The following DENND1A variants were observed in gnomAD, a reference collection of about 807,000 sequenced individuals.
The protein encoded by DENND1A is DENN domain-containing protein 1A.
A neutral mutation model predicts 113.7 loss-of-function variants in DENND1A; 51 were observed. That is an observed-to-expected ratio of 0.45 (90% CI 0.36 to 0.57). DENND1A has a LOEUF of 0.57. DENND1A is among the 20% of genes least tolerant of loss of function. The pLI, the probability that DENND1A is intolerant of heterozygous loss-of-function variation, is 0.00. For synonymous variants in DENND1A, 565 were observed against 570.8 expected, an observed-to-expected ratio of 0.99 and a Z score of 0.14; for missense variants, 1,258 against 1,395.9, an observed-to-expected ratio of 0.90 and a Z score of 1.57.
intron 2 of DENND1A, among the ~76,000 whole-genome samples, chr9:123,864,712 C>A (rs1845579995): frequency 6.6e-6 from 1 of 152,024 alleles, no homozygotes; most frequent in Non-Finnish European, 1.5e-5. Context: ...CTAGACCTAC[C>A]CATGAATTTC....
chr9:123,671,126 G>C (rs1222439769), intron 7 of DENND1A, among the ~76,000 whole-genome samples, 165 bp downstream of exon 7: 1 of 152,182 alleles, frequency 6.6e-6, no homozygotes, highest in South Asian at 2.1e-4. Flanking sequence ...GAGAAAGGAA[G>C]AAATTCTACT....
intron 2 of DENND1A, among the ~76,000 whole-genome samples, chr9:123,845,640 A>G (rs1842480068): frequency 1.4e-5 from 2 of 143,580 alleles, no homozygotes; most frequent in Admixed American, 1.4e-4. Flanking sequence ...ACTGTATTCC[A>G]GCCTGGGTGA....
At chr9:123,785,414 C>T (rs970507097) in intron 3 of DENND1A, among the ~76,000 whole-genome samples, 2 of 152,054 alleles carry the variant, frequency 1.3e-5, no homozygotes, top group African/African-American at 2.4e-5. Context: ...TTAAAAAGCA[C>T]CTTGACATTT....
At chr9:123,564,381 C>T (rs909333962) in intron 12 of DENND1A, among the ~76,000 whole-genome samples, 7 of 152,258 alleles carry the variant, frequency 4.6e-5, no homozygotes, top group Admixed American at 2.0e-4. Flanking sequence ...CTCTTCTCCA[C>T]TGCTCTGGAG....
At chr9:123,716,415 G>A (rs1419827023) in intron 5 of DENND1A, among the ~76,000 whole-genome samples, 1 of 152,254 alleles carries the variant, frequency 6.6e-6, no homozygotes, top group Non-Finnish European at 1.5e-5. Context: ...GCTTTAAAAG[G>A]ACGAAGGAGG....
chr9:123,796,707 T>C (rs919454584), intron 2 of DENND1A, among the ~76,000 whole-genome samples: 1 of 151,712 alleles, frequency 6.6e-6, no homozygotes, highest in Admixed American at 6.6e-5. Flanking sequence ...AAAAGTGCTG[T>C]GGTTACGTAT....
intron 11 of DENND1A, among the ~76,000 whole-genome samples, chr9:123,607,219 G>A (rs943927489): frequency 6.6e-6 from 1 of 152,004 alleles, no homozygotes; most frequent in Non-Finnish European, 1.5e-5. Flanking sequence ...TGGAACATAA[G>A]AGACCCTCAT....
chr9:123,428,507 T>C (rs1564470189), intron 19 of DENND1A, among the ~76,000 whole-genome samples: 1 of 152,152 alleles, frequency 6.6e-6, no homozygotes, highest in East Asian at 1.9e-4. Context: ...AGGGATGCCC[T>C]CTCTCACCAC....
In DENND1A at chr9:123,495,141, T is replaced by TCTCTCTCTCTCTCTCTCTC. The variant is rs2051763656; in HGVS notation, c.994-37245_994-37244insGAGAGAGAGAGAGAGAGAG. On this transcript the variant is annotated intron_variant, in intron 13 of 23. Coordinates refer to ENST00000394215, the MANE Select transcript of DENND1A (RefSeq NM_001352964.2). The stretch of plus-strand genomic sequence containing the variant: ...TCTATTATGACCCATCATTGTCTCT[T>TCTCTCTCTCTCTCTCTCTC]TCTCTCTCTCTCTCTCTCTCTCTCT... 3.8e-4 allele frequency among the ~76,000 whole-genome samples: 54 copies of TCTCTCTCTCTCTCTCTCTC among 140,642 alleles called. 2 individuals carry two copies. The highest frequency in any genetic ancestry group is 1.5e-3 in the African/African-American group (52 of 35,496). 92.3% of individuals were successfully genotyped at this position (140,642 alleles called of 152,430 possible). A position where few individuals can be genotyped will look rare whatever the true frequency, so the allele number is the denominator to read the frequency against.
At chr9:123,765,753 G>C (rs1438381354) in intron 4 of DENND1A, among the ~76,000 whole-genome samples, 1 of 152,116 alleles carries the variant, frequency 6.6e-6, no homozygotes, top group East Asian at 1.9e-4. Flanking sequence ...CTTTTTTTAA[G>C]AGACTATTTT....
chr9:123,523,311 T>G (rs567628822), intron 13 of DENND1A, among the ~76,000 whole-genome samples: 1 of 152,238 alleles, frequency 6.6e-6, no homozygotes, highest in South Asian at 2.1e-4. Context: ...CGCTCCACAT[T>G]CCTCATCTTG....
intron 20 of DENND1A, among the ~76,000 whole-genome samples, chr9:123,407,490 C>G (rs931949146): frequency 2.0e-5 from 3 of 152,188 alleles, no homozygotes; most frequent in African/African-American, 7.2e-5. Context: ...AGACCACAAC[C>G]AGGCACAGAC....
At chr9:123,639,774 T>C (rs1421843897) in intron 9 of DENND1A, among the ~76,000 whole-genome samples, 4 of 92,896 alleles carry the variant, frequency 4.3e-5, no homozygotes, top group African/African-American at 1.9e-4. Flanking sequence ...CGAAACTCCA[T>C]CTCAAAAAAA....
intron 10 of DENND1A, among the ~76,000 whole-genome samples, chr9:123,625,253 T>C (rs2061151429): frequency 6.6e-6 from 1 of 152,216 alleles, no homozygotes; most frequent in Admixed American, 6.5e-5. Flanking sequence ...GGGTTAATAG[T>C]ATCTGCCTTG....
intron 20 of DENND1A, among the ~76,000 whole-genome samples, chr9:123,408,409 C>T (rs1040870467): frequency 6.6e-6 from 1 of 152,150 alleles, no homozygotes; most frequent in African/African-American, 2.4e-5. Context: ...AGTGTAAGTT[C>T]GGGGGACATG....
chr9:123,653,596 G>A (rs2062776251), intron 8 of DENND1A, among the ~76,000 whole-genome samples: 1 of 152,176 alleles, frequency 6.6e-6, no homozygotes, highest in Admixed American at 6.5e-5. Flanking sequence ...GAGAAGTTGT[G>A]TAATTTGACA....
At chr9:123,430,864 C>G (rs182143791) in intron 19 of DENND1A, among the ~76,000 whole-genome samples, 300 of 152,198 alleles carry the variant, frequency 2.0e-3, no homozygotes, top group African/African-American at 6.9e-3. Context: ...TAGCCAGGTG[C>G]GGTGGTGTGC....
At position 123,403,574 on chromosome 9, in the gene DENND1A, G is replaced by C. The variant is rs1465924711; in HGVS notation, c.1543-84C>G. The C allele has an allele frequency of 4.7e-6, 6 of 1,282,510 alleles. No individual in the cohort carries two copies. The South Asian group carries it at 5.1e-5, about 11-fold the overall frequency. The allele number at this position is 1,282,510 out of a possible 1,614,324, so 79.4% of individuals were successfully genotyped here. ...TACATTCTGAACATTTGGATAAACG[G>C]CCCCCCCAAAAAACGTTTAGGGATT... On this transcript the variant is annotated intron_variant, in intron 20 of 23. Coordinates refer to ENST00000394215, the MANE Select transcript of DENND1A (RefSeq NM_001352964.2).
intron 1 of DENND1A, among the ~76,000 whole-genome samples, chr9:123,898,642 G>A (rs75883587): frequency 0.038 from 5,840 of 152,242 alleles, 118 homozygotes; most frequent in Middle Eastern, 0.048. Flanking sequence ...ACATGAAGGT[G>A]GAAATGGAAA....
Sources: allele counts gnomAD v4.1 joint callset (sites outside exome capture counted in the v4.1 genomes callset), GRCh38; gene constraint gnomAD v4.1.1; transcripts MANE v1.5; gene names NCBI Gene and HGNC (gene_info 2026-07-23, HGNC 2026-07-21).